The following GALNT13 variants were observed in gnomAD, a reference collection of about 807,000 sequenced individuals.
The protein encoded by GALNT13 is UDP-GalNAc:polypeptide N-acetylgalactosaminyltransferase 13.
In GALNT13, 28 loss-of-function variants were observed where a neutral mutation model predicts 64.2. The observed-to-expected ratio is 0.44, with a 90% confidence interval of 0.32 to 0.60. The LOEUF (loss-of-function observed/expected upper bound fraction) is 0.60, where lower values mean the gene tolerates loss of function less well. GALNT13 is among the 20% of genes least tolerant of loss of function. GALNT13 has a pLI of 0.05. For missense variants in GALNT13, 577 were observed against 669.8 expected (o/e 0.86, Z 1.53); for synonymous variants, 214 against 224.6 (o/e 0.95, Z 0.42).
chr2:154,209,747 C>T (rs1687663135), intron 4 of GALNT13, among the ~76,000 whole-genome samples: 1 of 152,052 alleles, frequency 6.6e-6, no homozygotes. Context: ...GACAAATTAT[C>T]ATGTATGTTT....
chr2:154,159,528 T>C (rs752489593), intron 4 of GALNT13, among the ~76,000 whole-genome samples: 1 of 152,180 alleles, frequency 6.6e-6, no homozygotes, highest in African/African-American at 2.4e-5. Flanking sequence ...AATGATGATA[T>C]ATATTCTGAT....
the GALNT13 span, among the ~76,000 whole-genome samples, chr2:153,637,218 G>T: frequency 9.2e-5 from 14 of 152,122 alleles, no homozygotes; most frequent in East Asian, 2.7e-3. Flanking sequence ...ATGAATGAGC[G>T]TATCTATATG....
chr2:153,357,016 G>A, the GALNT13 span, among the ~76,000 whole-genome samples: 17,139 of 151,898 alleles, frequency 0.11, 1,092 homozygotes, highest in Middle Eastern at 0.16. Context: ...CACCGTGTTA[G>A]CCAGGATGGT....
At chr2:153,644,267 G>A in the GALNT13 span, among the ~76,000 whole-genome samples, 1 of 151,988 alleles carries the variant, frequency 6.6e-6, no homozygotes, top group African/African-American at 2.4e-5. Flanking sequence ...AAGGCTGAAA[G>A]CATCCTATCT....
chr2:153,087,112 TG>T, the GALNT13 span, among the ~76,000 whole-genome samples: 1 of 152,180 alleles, frequency 6.6e-6, no homozygotes, highest in Non-Finnish European at 1.5e-5. Context: ...ATGTTGGCTG[TG>T]GGTTTGTCAT....
At chr2:153,653,501 T>C in the GALNT13 span, among the ~76,000 whole-genome samples, 30 of 152,112 alleles carry the variant, frequency 2.0e-4, no homozygotes, top group Non-Finnish European at 3.7e-4. Context: ...GAATACTTAC[T>C]AAAATATTTA....
the GALNT13 span, among the ~76,000 whole-genome samples, chr2:153,653,495 A>G: frequency 6.6e-6 from 1 of 152,288 alleles, no homozygotes; most frequent in Admixed American, 6.5e-5. Flanking sequence ...TTTTTAGAAT[A>G]CTTACTAAAA....
the GALNT13 span, among the ~76,000 whole-genome samples, chr2:153,406,814 A>G: frequency 6.6e-6 from 1 of 152,342 alleles, no homozygotes; most frequent in South Asian, 2.1e-4. Context: ...ACCAAAATAT[A>G]TCTGGTAAAT....
At chr2:153,265,641 T>C in the GALNT13 span, among the ~76,000 whole-genome samples, 1 of 152,224 alleles carries the variant, frequency 6.6e-6, no homozygotes, top group South Asian at 2.1e-4. Context: ...TATTGTGATC[T>C]CTAATCTGAT....
the GALNT13 span, among the ~76,000 whole-genome samples, chr2:153,387,499 G>A: frequency 6.6e-6 from 1 of 152,056 alleles, no homozygotes; most frequent in Non-Finnish European, 1.5e-5. Flanking sequence ...TCGTAAAGGA[G>A]TTTCATTTTC....
At chr2:153,189,641 G>A in the GALNT13 span, among the ~76,000 whole-genome samples, 1 of 152,072 alleles carries the variant, frequency 6.6e-6, no homozygotes, top group Non-Finnish European at 1.5e-5. Context: ...GGATTGTATG[G>A]TGGTTCTATT....
chr2:154,324,881 G>A (rs1487720256), intron 9 of GALNT13, among the ~76,000 whole-genome samples: 1 of 152,130 alleles, frequency 6.6e-6, no homozygotes. Context: ...GTGGTCTGGA[G>A]ATGGTCCTGA....
the GALNT13 span, among the ~76,000 whole-genome samples, chr2:153,751,299 T>A: frequency 3.9e-5 from 6 of 151,970 alleles, no homozygotes; most frequent in African/African-American, 1.4e-4. Flanking sequence ...TTGGATGATA[T>A]GTTCTGTAAA....
At chr2:153,632,011 G>A in the GALNT13 span, among the ~76,000 whole-genome samples, 1 of 152,016 alleles carries the variant, frequency 6.6e-6, no homozygotes, top group African/African-American at 2.4e-5. Context: ...GGTATTCATT[G>A]TTGTCACCTT....
chr2:153,973,253 G>A (rs563510805), intron 3 of GALNT13, among the ~76,000 whole-genome samples: 4 of 151,866 alleles, frequency 2.6e-5, no homozygotes, highest in South Asian at 4.1e-4. Context: ...TACAGTGATC[G>A]TGAAAAGACC....
chr2:153,138,887 G>T, the GALNT13 span, among the ~76,000 whole-genome samples: 1 of 152,040 alleles, frequency 6.6e-6, no homozygotes, highest in African/African-American at 2.4e-5. Context: ...AGTGGTGCAG[G>T]TGGGTTGAGT....
the GALNT13 span, among the ~76,000 whole-genome samples, chr2:153,822,238 GC>G: frequency 6.6e-6 from 1 of 151,984 alleles, no homozygotes; most frequent in African/African-American, 2.4e-5. Flanking sequence ...ATTCCACAAA[GC>G]CATCATCCCT....
chr2:153,502,832 T>C, the GALNT13 span, among the ~76,000 whole-genome samples: 1 of 152,226 alleles, frequency 6.6e-6, no homozygotes, highest in Non-Finnish European at 1.5e-5. Flanking sequence ...ATTTCCCTAA[T>C]AATTAGTGAT....
chr2:154,406,687 A>G (rs1433330733), intron 10 of GALNT13, among the ~76,000 whole-genome samples: 1 of 152,136 alleles, frequency 6.6e-6, no homozygotes, highest in Non-Finnish European at 1.5e-5. Context: ...ACTGTGCTTT[A>G]TATTTCTTCA....
Sources: gnomAD v4.1 joint callset for allele counts (sites outside exome capture counted in the v4.1 genomes callset) on GRCh38, gnomAD v4.1.1 for gene constraint, MANE v1.5 for transcripts, NCBI Gene and HGNC (gene_info 2026-07-23, HGNC 2026-07-21) for gene names.